Variants in ANKRD44 observed in about 807,000 individuals in gnomAD.
ANKRD44 encodes the protein ankyrin repeat domain 44, also known as serine/threonine-protein phosphatase 6 regulatory ankyrin repeat subunit B.
Under a neutral mutation model 116.0 loss-of-function variants are expected in ANKRD44, and 35 were observed. That is an observed-to-expected ratio of 0.30 (90% CI 0.23 to 0.40). ANKRD44 has a LOEUF of 0.40. Ranked by LOEUF, ANKRD44 falls within the 10% of genes least tolerant of loss-of-function variation. The pLI is 1.00. For missense variants in ANKRD44, 1,014 were observed against 1,242.6 expected (o/e 0.82, Z 2.77); for synonymous variants, 435 against 461.8 (o/e 0.94, Z 0.74).
At chr2:197,035,996 C>A (rs1330918979) in intron 16 of ANKRD44, among the ~76,000 whole-genome samples, 2 of 152,118 alleles carry the variant, frequency 1.3e-5, no homozygotes, top group African/African-American at 4.8e-5. Flanking sequence ...TCAGGCTCAG[C>A]CCCAAATCAA....
At position 196,989,508 on chromosome 2, in the gene ANKRD44, C is replaced by T. The variant is rs1320365365; in HGVS notation, c.*83G>A. 1 of 1,154,686 alleles carries T rather than the reference C, an allele frequency of 8.7e-7. No homozygotes were observed. Among genetic ancestry groups the T allele is most frequent in the Non-Finnish European group, 1.1e-6 (1 of 931,948 alleles). 71.5% of individuals were successfully genotyped at this position (1,154,686 alleles called of 1,614,324 possible). A position where few individuals can be genotyped will look rare whatever the true frequency, so the allele number is the denominator to read the frequency against. ...TCCTCATGTGTAGCTGGCTGATGAA[C>T]TACACACACACACACATATATATAT... On this transcript the variant is annotated 3_prime_UTR_variant, in exon 28 of 28. Transcript: ENST00000282272.
At chr2:197,135,138 C>T (rs2079187368) in intron 4 of ANKRD44, 1 of 152,198 alleles carries the variant, frequency 6.6e-6, no homozygotes. Context: ...ACTAAGCTGT[C>T]ACCTAGCAAG....
intron 1 of ANKRD44, among the ~76,000 whole-genome samples, chr2:197,192,186 T>A (rs1175417984): frequency 2.0e-5 from 3 of 152,186 alleles, no homozygotes; most frequent in Non-Finnish European, 4.4e-5. Flanking sequence ...CAGAGTTGCA[T>A]GCTCTGTACT....
chr2:196,989,997 T>C, intron 27 of ANKRD44: 1 of 1,050,458 alleles, frequency 9.5e-7, no homozygotes, highest in Non-Finnish European at 1.2e-6. Flanking sequence ...TTCAATCACT[T>C]AAGTGAAAAT....
chr2:197,257,772 G>A (rs1412972175), intron 1 of ANKRD44, among the ~76,000 whole-genome samples: 1 of 152,118 alleles, frequency 6.6e-6, no homozygotes, highest in Non-Finnish European at 1.5e-5. Flanking sequence ...ATCTTTAAGT[G>A]TACAGTTCAC....
At chr2:197,015,005 A>G in intron 17 of ANKRD44, 1 of 198,894 alleles carries the variant, frequency 5.0e-6, no homozygotes, top group Non-Finnish European at 1.0e-5. Context: ...AGTTGAGAAA[A>G]TTGTTTATTG....
At chr2:197,171,035 G>A (rs1479182774) in intron 2 of ANKRD44, among the ~76,000 whole-genome samples, 1 of 152,192 alleles carries the variant, frequency 6.6e-6, no homozygotes, top group Admixed American at 6.5e-5. Flanking sequence ...AGCATCCAGC[G>A]TTTGTTTAAT....
chr2:197,264,073 A>G (rs897081477), intron 1 of ANKRD44, among the ~76,000 whole-genome samples: 2 of 152,160 alleles, frequency 1.3e-5, no homozygotes, highest in South Asian at 2.1e-4. Context: ...TGGGCAACAT[A>G]GTGAGATCAT....
intron 17 of ANKRD44, chr2:197,015,211 C>CA (rs2076369150): frequency 6.4e-6 from 2 of 310,462 alleles, no homozygotes; most frequent in Non-Finnish European, 1.2e-5. Flanking sequence ...AACCAGAGAG[C>CA]TGTTTCTAGG....
downstream of ANKRD44, among the ~76,000 whole-genome samples, chr2:196,985,221 C>T (rs145429174): frequency 1.4e-3 from 219 of 152,266 alleles, no homozygotes; most frequent in African/African-American, 4.5e-3. Context: ...AGAAATGGAT[C>T]GTTCCCAGGC....
Position 197,125,386 on chromosome 2 carries a change from T to A in ANKRD44, c.545A>T (p.Tyr182Phe). 6.2e-7 allele frequency: 1 copy of A among 1,613,948 alleles called. No individual in the cohort carries two copies. Among genetic ancestry groups the A allele is most frequent in the Non-Finnish European group, 8.5e-7 (1 of 1,179,786 alleles). Residue 182 changes from tyrosine (Y) to phenylalanine (F), a missense_variant, in exon 6 of 28, where the codon TAC (tyrosine) becomes TTC (phenylalanine). Tyr to Phe is a conservative substitution (Grantham distance 22). Coordinates refer to ENST00000282272, the MANE Select transcript of ANKRD44 (RefSeq NM_001195144.2). ...TCCATGCATGGAATCCTTACCCATG[T>A]ATGCTGCCCAGTGCAGAGCACGCCG... ...KDRRALHWAA[Y>F]MGHLDVVALL...
chr2:197,008,003 T>TTCTC (rs57048274), intron 19 of ANKRD44, 80 bp from the exon 20 acceptor site: 806,196 of 886,002 alleles, frequency 0.91, 367,984 homozygotes, highest in East Asian at 1. Flanking sequence ...GACATTCTCT[T>TTCTC]TCTCCCATTC....
chr2:197,060,074 C>T (rs942218070), intron 16 of ANKRD44, among the ~76,000 whole-genome samples: 3 of 152,302 alleles, frequency 2.0e-5, no homozygotes, highest in African/African-American at 4.8e-5. Flanking sequence ...AGTCTCACAG[C>T]GTGTCACCTG....
intron 12 of ANKRD44, among the ~76,000 whole-genome samples, chr2:197,087,561 G>C (rs1170944348): frequency 6.6e-6 from 1 of 152,146 alleles, no homozygotes. Context: ...GCTAGAAGTG[G>C]CCTGGAATTA....
intron 8 of ANKRD44, among the ~76,000 whole-genome samples, chr2:197,118,378 A>G (rs192988774): frequency 2.0e-5 from 3 of 151,770 alleles, no homozygotes; most frequent in Non-Finnish European, 4.4e-5. Flanking sequence ...GCTTGAGCTC[A>G]GGAGTTAAGA....
chr2:197,235,280 C>T (rs1029696426), intron 1 of ANKRD44, among the ~76,000 whole-genome samples: 2 of 152,138 alleles, frequency 1.3e-5, no homozygotes, highest in African/African-American at 4.8e-5. Flanking sequence ...CGAATTCAAA[C>T]ATTTGTTGAT....
At chr2:197,102,841 T>C (rs2078325059) in intron 9 of ANKRD44, among the ~76,000 whole-genome samples, 1 of 152,194 alleles carries the variant, frequency 6.6e-6, no homozygotes, top group South Asian at 2.1e-4. Context: ...GTAAGCTCTA[T>C]TTGGGAGATT....
At chr2:197,129,549 C>T (rs2079052746) in intron 4 of ANKRD44, among the ~76,000 whole-genome samples, 2 of 152,270 alleles carry the variant, frequency 1.3e-5, no homozygotes, top group South Asian at 4.1e-4. Context: ...TTGGATGACA[C>T]CCTGTAGCAG....
intron 16 of ANKRD44, among the ~76,000 whole-genome samples, chr2:197,033,776 T>A (rs1349626251): frequency 6.6e-6 from 1 of 152,094 alleles, no homozygotes; most frequent in East Asian, 1.9e-4. Flanking sequence ...ATCTTAGTTA[T>A]GCAGCAATCA....
Sources: gnomAD v4.1 joint callset for allele counts (sites outside exome capture counted in the v4.1 genomes callset) on GRCh38, gnomAD v4.1.1 for gene constraint, MANE v1.5 for transcripts, NCBI Gene and HGNC (gene_info 2026-07-23, HGNC 2026-07-21) for gene names.